The following COBL variants were observed in gnomAD, a reference collection of about 807,000 sequenced individuals.
COBL encodes the protein cordon-bleu WH2 repeat protein.
A neutral mutation model predicts 98.8 loss-of-function variants in COBL; 51 were observed. That is an observed-to-expected ratio of 0.52 (90% CI 0.41 to 0.65). The LOEUF (loss-of-function observed/expected upper bound fraction) is 0.65, where lower values mean the gene tolerates loss of function less well. Ranked by LOEUF, COBL falls within the 30% of genes least tolerant of loss-of-function variation. The pLI is 0.00. For synonymous variants in COBL, 634 were observed against 651.7 expected, an observed-to-expected ratio of 0.97 and a Z score of 0.41; for missense variants, 1,617 against 1,617.5, an observed-to-expected ratio of 1.00 and a Z score of 0.01.
chr7:51,228,396 T>C (rs964293724), intron 1 of COBL, among the ~76,000 whole-genome samples: 4 of 124,128 alleles, frequency 3.2e-5, no homozygotes, highest in Non-Finnish European at 5.8e-5. Flanking sequence ...GCTTACTCTT[T>C]TGGATTAAAA....
chr7:51,067,813 C>G lies in COBL; in HGVS notation c.1096+17353G>C, dbSNP rs201138189. Among the ~76,000 whole-genome samples, 11 of 152,326 alleles carry G rather than the reference C, an allele frequency of 7.2e-5. No homozygotes were observed. The East Asian group carries it at 2.1e-3, about 29-fold the overall frequency. On this transcript the variant is annotated intron_variant, in intron 7 of 12. Coordinates refer to ENST00000265136, the MANE Select transcript of COBL (RefSeq NM_015198.5). Reference sequence around the variant, plus strand: ...ATGTTAACTTCTTGTATGTTTCTTTCCATTCTCTTCAACTCTGTCTATCAA... The same window carrying G: ...ATGTTAACTTCTTGTATGTTTCTTTGCATTCTCTTCAACTCTGTCTATCAA...
In COBL at chr7:51,108,177, T is replaced by C. The variant is rs886484012; in HGVS notation, c.958-22873A>G. Among the ~76,000 whole-genome samples the C allele has an allele frequency of 3.9e-5, 6 of 152,186 alleles. No homozygotes were observed. In the East Asian group the frequency reaches 1.2e-3, roughly 29 times the overall value. On this transcript the variant is annotated intron_variant, in intron 6 of 12. Transcript: ENST00000265136. ...TGTGGGCCAAGCTCACCAAGGATCC[T>C]CGGGCCAACATTCTGATTCCCCACC...
intron 1 of COBL, among the ~76,000 whole-genome samples, chr7:51,275,661 C>A (rs1799245675): frequency 6.6e-6 from 1 of 152,092 alleles, no homozygotes; most frequent in Non-Finnish European, 1.5e-5. Context: ...CCAACCACCA[C>A]CAGCCGCCAC....
In COBL at chr7:51,028,976, G is replaced by T. The variant is rs148352652; in HGVS notation, c.2120C>A (p.Thr707Lys). ...KSYRLKHGLT[T>K]YKIIPPKSEM... ...TGACTTTGGAGGAATGATTTTATAC[G>T]TTGTGAGGCCGTGCTTAAGTCTGTA... Residue 707 changes from threonine (T) to lysine (K), a missense_variant, in exon 10 of 13, where the codon ACG becomes AAG. By Grantham distance (78) the Thr-to-Lys change is moderately conservative. Coordinates refer to ENST00000265136, the MANE Select transcript of COBL (RefSeq NM_015198.5). 2 of 1,614,022 alleles carry T rather than the reference G, an allele frequency of 1.2e-6. No individual in the cohort carries two copies. Among genetic ancestry groups the T allele is most frequent in the East Asian group, 4.5e-5 (2 of 44,874 alleles).
intron 7 of COBL, among the ~76,000 whole-genome samples, chr7:51,081,128 T>C (rs1793625156): frequency 6.6e-6 from 1 of 151,810 alleles, no homozygotes; most frequent in African/African-American, 2.4e-5. Flanking sequence ...AGACTCTGAG[T>C]CCCAAGAAGG....
intron 6 of COBL, among the ~76,000 whole-genome samples, chr7:51,108,202 C>G (rs533617589): frequency 2.6e-5 from 4 of 152,296 alleles, no homozygotes; most frequent in Non-Finnish European, 5.9e-5. Context: ...GATTCCCCAC[C>G]CTCTCCTGAC....
intron 1 of COBL, among the ~76,000 whole-genome samples, chr7:51,239,277 C>T (rs1228657964): frequency 6.6e-6 from 1 of 152,122 alleles, no homozygotes; most frequent in Non-Finnish European, 1.5e-5. Flanking sequence ...TTGCTGATTA[C>T]AGGTTGCAGT....
At chr7:51,278,789 A>G (rs947361615) in intron 1 of COBL, among the ~76,000 whole-genome samples, 5 of 152,222 alleles carry the variant, frequency 3.3e-5, no homozygotes, top group Non-Finnish European at 5.9e-5. Flanking sequence ...ACAGTATGAA[A>G]ATGACACCAA....
chr7:51,233,168 A>C (rs565857122), intron 1 of COBL, among the ~76,000 whole-genome samples: 1 of 152,214 alleles, frequency 6.6e-6, no homozygotes, highest in Non-Finnish European at 1.5e-5. Context: ...CAGGCATCTA[A>C]TTATGTATAG....
intron 7 of COBL, among the ~76,000 whole-genome samples, chr7:51,075,491 A>C (rs1792982716): frequency 6.6e-6 from 1 of 152,244 alleles, no homozygotes; most frequent in Non-Finnish European, 1.5e-5. Context: ...ATGTACTAAA[A>C]TAATTAGGAA....
chr7:51,231,548 G>T (rs971805564), intron 1 of COBL, among the ~76,000 whole-genome samples: 1 of 152,200 alleles, frequency 6.6e-6, no homozygotes, highest in African/African-American at 2.4e-5. Flanking sequence ...TCGGGGAAGT[G>T]CAGGAGCTTG....
At chr7:51,306,096 G>C (rs967847713) in intron 1 of COBL, among the ~76,000 whole-genome samples, 8 of 152,036 alleles carry the variant, frequency 5.3e-5, no homozygotes, top group Admixed American at 5.2e-4. Flanking sequence ...CTTGCTTCCC[G>C]AGTGTCTTGA....
chr7:51,258,925 C>T (rs1797441100), intron 1 of COBL, among the ~76,000 whole-genome samples: 2 of 152,136 alleles, frequency 1.3e-5, no homozygotes, highest in South Asian at 4.1e-4. Flanking sequence ...ATTCATCGCT[C>T]CCAGAAGGTC....
chr7:51,182,691 GT>G (rs1294718357), intron 5 of COBL, among the ~76,000 whole-genome samples: 2 of 152,110 alleles, frequency 1.3e-5, no homozygotes. Context: ...TAGTTGGAGA[GT>G]GGGAGGGGAT....
chr7:51,018,033 T>C (rs1195990031), intron 12 of COBL, among the ~76,000 whole-genome samples: 2 of 152,240 alleles, frequency 1.3e-5, no homozygotes, highest in African/African-American at 4.8e-5. Flanking sequence ...AAACTGCTTG[T>C]TTGGTTAAGC....
At chr7:51,174,488 T>C (rs1173501429) in intron 5 of COBL, among the ~76,000 whole-genome samples, 3 of 152,098 alleles carry the variant, frequency 2.0e-5, no homozygotes, top group African/African-American at 7.2e-5. Flanking sequence ...AAATGAAAGA[T>C]AAGGTATAGA....
chr7:51,213,158 A>G (rs1031575734), intron 2 of COBL, among the ~76,000 whole-genome samples: 2 of 152,190 alleles, frequency 1.3e-5, no homozygotes, highest in African/African-American at 4.8e-5. Flanking sequence ...GGCATAACAG[A>G]GTCAAGCCCT....
At chr7:51,077,321 G>C (rs561012307) in intron 7 of COBL, among the ~76,000 whole-genome samples, 2 of 152,292 alleles carry the variant, frequency 1.3e-5, no homozygotes, top group Admixed American at 1.3e-4. Context: ...AACCCTACTA[G>C]TGATGCCCTT....
intron 1 of COBL, among the ~76,000 whole-genome samples, chr7:51,275,304 G>A (rs1799195175): frequency 1.3e-5 from 2 of 152,200 alleles, no homozygotes; most frequent in South Asian, 4.1e-4. Flanking sequence ...TCCAAATTTT[G>A]AGGCACAAGT....
Sources: gnomAD v4.1 joint callset for allele counts (sites outside exome capture counted in the v4.1 genomes callset) on GRCh38, gnomAD v4.1.1 for gene constraint, MANE v1.5 for transcripts, NCBI Gene and HGNC (gene_info 2026-07-23, HGNC 2026-07-21) for gene names.